Variants in MYO3A observed in about 807,000 individuals in gnomAD.
MYO3A encodes myosin-IIIa.
MYO3A carries 180 observed loss-of-function variants against 192.7 expected under a neutral mutation model. That is an observed-to-expected ratio of 0.93 (90% CI 0.83 to 1.06). The LOEUF is 1.06. Among genes scored for constraint, MYO3A ranks in the 50% least tolerant of loss-of-function variants. MYO3A has a pLI of 0.00. For missense variants in MYO3A, 1,896 were observed against 1,905.0 expected (o/e 1.00, Z 0.09); for synonymous variants, 628 against 645.3 (o/e 0.97, Z 0.41).
chr10:26,096,548 T>C lies in MYO3A; in HGVS notation c.1662-20T>C, dbSNP rs1335241119. ...TCCCTTAATTTTAGACTTTTATCCT[T>C]CCTTTTATATTTTTTTTAGGTACCT... is the stretch of plus-strand genomic sequence containing the variant. On this transcript the variant is annotated intron_variant, in intron 16 of 34. Transcript: ENST00000642920. The C allele has an allele frequency of 6.3e-7, 1 of 1,594,584 alleles. No homozygotes were observed. Among genetic ancestry groups the C allele is most frequent in the South Asian group, 1.1e-5 (1 of 90,604 alleles).
intron 6 of MYO3A, among the ~76,000 whole-genome samples, chr10:26,001,155 C>T (rs1387605858): frequency 6.6e-6 from 1 of 152,006 alleles, no homozygotes; most frequent in Non-Finnish European, 1.5e-5. Flanking sequence ...GTCACCCTCA[C>T]ACTTCCTACC....
chr10:26,190,106 G>C (rs1734654298), intron 31 of MYO3A, among the ~76,000 whole-genome samples: 1 of 151,930 alleles, frequency 6.6e-6, no homozygotes, highest in South Asian at 2.1e-4. Context: ...AGGAAAATCT[G>C]GTTTTCATTT....
At chr10:25,987,366 T>A (rs1327964312) in intron 4 of MYO3A, among the ~76,000 whole-genome samples, 17 of 152,116 alleles carry the variant, frequency 1.1e-4, no homozygotes. Flanking sequence ...TAGATGGAAC[T>A]TAATTAAACT....
At chr10:26,015,943 T>C (rs1841959091) in intron 6 of MYO3A, among the ~76,000 whole-genome samples, 1 of 152,158 alleles carries the variant, frequency 6.6e-6, no homozygotes, top group African/African-American at 2.4e-5. Flanking sequence ...CTAAAATTAA[T>C]GTGACTTTGG....
At chr10:26,183,569 G>A (rs1221985996) in intron 31 of MYO3A, among the ~76,000 whole-genome samples, 4 of 152,116 alleles carry the variant, frequency 2.6e-5, no homozygotes, top group African/African-American at 4.8e-5. Context: ...ACTAAAAGTC[G>A]TTTTCAAGGA....
intron 4 of MYO3A, among the ~76,000 whole-genome samples, chr10:25,982,434 A>G (rs1019165851): frequency 2.0e-5 from 3 of 152,130 alleles, no homozygotes; most frequent in African/African-American, 4.8e-5. Context: ...CATGCTCTCT[A>G]TAGGACTGCA....
At chr10:26,116,086 A>G (rs1588982337) in intron 17 of MYO3A, among the ~76,000 whole-genome samples, 1 of 152,356 alleles carries the variant, frequency 6.6e-6, no homozygotes, top group Middle Eastern at 3.4e-3. Flanking sequence ...TCTTATTCAT[A>G]AATTTAACAA....
intron 20 of MYO3A, among the ~76,000 whole-genome samples, chr10:26,136,398 G>A (rs1187283526): frequency 6.6e-6 from 1 of 152,198 alleles, no homozygotes; most frequent in Non-Finnish European, 1.5e-5. Flanking sequence ...TTGTTCCCCA[G>A]GTGTAAGTTC....
rs1401573297 is a variant in MYO3A, at chr10:26,212,194, C to T, written c.*231C>T. On this transcript the variant is annotated 3_prime_UTR_variant, in exon 35 of 35. Transcript: ENST00000642920. ...TCCCCCGACGCTCTCTCTCGGAACT[C>T]CCGCACCCTCCTTTCTCACCAGCCC... 5.2e-6 allele frequency: 3 copies of T among 573,580 alleles called. No homozygotes were observed. The highest frequency in any genetic ancestry group is 3.1e-5 in the Admixed American group (1 of 32,346). The allele number at this position is 573,580 out of a possible 1,614,324, so 35.5% of individuals were successfully genotyped here.
chr10:26,035,152 C>T (rs1392945735), intron 10 of MYO3A, among the ~76,000 whole-genome samples: 2 of 152,098 alleles, frequency 1.3e-5, no homozygotes, highest in African/African-American at 4.8e-5. Context: ...GCAAGGATCC[C>T]TCTAGGACCA....
intron 28 of MYO3A, among the ~76,000 whole-genome samples, chr10:26,169,896 A>C (rs1311241212): frequency 6.6e-6 from 1 of 152,028 alleles, no homozygotes; most frequent in African/African-American, 2.4e-5. Context: ...ACAGTTCTTT[A>C]CTCCCCCAAC....
At chr10:25,992,254 A>G (rs375733933) in intron 4 of MYO3A, among the ~76,000 whole-genome samples, 8 of 152,074 alleles carry the variant, frequency 5.3e-5, no homozygotes, top group South Asian at 2.1e-4. Context: ...GGATTCCTAG[A>G]TATTTTATTC....
chr10:26,203,832 G>A (rs1309137197), intron 34 of MYO3A, among the ~76,000 whole-genome samples: 1 of 152,176 alleles, frequency 6.6e-6, no homozygotes, highest in Non-Finnish European at 1.5e-5. Context: ...GAGTGACATG[G>A]TGGTTAAGAA....
At chr10:26,177,218 T>A (rs1842380418) in intron 31 of MYO3A, among the ~76,000 whole-genome samples, 1 of 152,172 alleles carries the variant, frequency 6.6e-6, no homozygotes, top group African/African-American at 2.4e-5. Context: ...ATCTGCAACC[T>A]TGAGTATAGA....
intron 34 of MYO3A, among the ~76,000 whole-genome samples, chr10:26,207,973 T>C (rs933558735): frequency 6.6e-6 from 1 of 152,256 alleles, no homozygotes; most frequent in Non-Finnish European, 1.5e-5. Flanking sequence ...TACTTTTCAA[T>C]GTATAGATCT....
chr10:26,016,809 T>C lies in MYO3A; in HGVS notation c.509-11T>C. The C allele has an allele frequency of 6.2e-7, 1 of 1,613,734 alleles. No homozygotes were observed. On this transcript the variant is annotated splice_polypyrimidine_tract_variant and intron_variant, in intron 6 of 34. Transcript: ENST00000642920. ...TTAATGCAAAAAAGTACATCTTGTC[T>C]CTTCCTCTAGGTGTGTCTGCACAGC...
At chr10:26,110,782 T>C (rs1838117975) in intron 17 of MYO3A, among the ~76,000 whole-genome samples, 1 of 152,156 alleles carries the variant, frequency 6.6e-6, no homozygotes, top group South Asian at 2.1e-4. Context: ...CCTGATTGTC[T>C]TTTGGAAACA....
chr10:26,081,577 G>C (rs1835963341), intron 14 of MYO3A, among the ~76,000 whole-genome samples: 1 of 152,146 alleles, frequency 6.6e-6, no homozygotes, highest in Non-Finnish European at 1.5e-5. Flanking sequence ...GTTGGGGCCA[G>C]ACTTCTCGCC....
chr10:25,936,199 A>G (rs1225447736), intron 2 of MYO3A, among the ~76,000 whole-genome samples: 2 of 152,046 alleles, frequency 1.3e-5, no homozygotes, highest in East Asian at 3.9e-4. Context: ...TGATAGCATC[A>G]TCTTGTCCTT....
Sources: allele counts gnomAD v4.1 joint callset (sites outside exome capture counted in the v4.1 genomes callset), GRCh38; gene constraint gnomAD v4.1.1; transcripts MANE v1.5; gene names NCBI Gene and HGNC (gene_info 2026-07-23, HGNC 2026-07-21).